The following TSPAN1 variants were observed in gnomAD, a reference collection of about 807,000 sequenced individuals.
The protein encoded by TSPAN1 is tetraspanin 1.
A neutral mutation model predicts 26.9 loss-of-function variants in TSPAN1; 23 were observed. The ratio of observed to expected loss-of-function variants is 0.85; its 90% CI spans 0.62 to 1.21. TSPAN1 has a LOEUF of 1.21. Ranked by LOEUF, TSPAN1 falls within the 50% of genes most tolerant of loss-of-function variation. The probability of loss-of-function intolerance (pLI) is 0.00; values close to 1 mark genes in which losing one functional copy is unlikely to be tolerated. For synonymous variants in TSPAN1, 115 were observed against 114.8 expected, an observed-to-expected ratio of 1.00 and a Z score of -0.01; for missense variants, 283 against 298.4, an observed-to-expected ratio of 0.95 and a Z score of 0.38.
intron 1 of TSPAN1, among the ~76,000 whole-genome samples, chr1:46,179,516 G>A (rs1164249927): frequency 1.3e-5 from 2 of 152,078 alleles, no homozygotes; most frequent in Non-Finnish European, 2.9e-5. Context: ...TCTAAGAAAA[G>A]TCCCCAGGGT....
At chr1:46,175,752 G>A (rs68179532) in intron 1 of TSPAN1, 40,924 of 403,108 alleles carry the variant, frequency 0.1, 2,596 homozygotes, top group Admixed American at 0.18. Flanking sequence ...CATTAAGGCT[G>A]TCAGCACTTT....
downstream of TSPAN1, among the ~76,000 whole-genome samples, chr1:46,187,139 C>A (rs139087250): frequency 5.9e-5 from 9 of 152,200 alleles, no homozygotes; most frequent in African/African-American, 2.2e-4. Flanking sequence ...CCCTAACTAT[C>A]CCTATGCTCC....
chr1:46,180,483 AG>A (rs1657289674), intron 1 of TSPAN1, 42 bp from the exon 2 acceptor site: 1 of 152,392 alleles, frequency 6.6e-6, no homozygotes, highest in Non-Finnish European at 1.5e-5. Flanking sequence ...TGGGGCCAGC[AG>A]GCGGGCAGAA....
chr1:46,195,644 A>C, the TSPAN1 span: 1 of 733,702 alleles, frequency 1.4e-6, no homozygotes, highest in South Asian at 1.5e-5. Flanking sequence ...GCTGTTGCTC[A>C]ATAACTATTT....
chr1:46,189,417 A>C (rs140486914), downstream of TSPAN1: 145 of 1,613,686 alleles, frequency 9.0e-5, no homozygotes, highest in African/African-American at 1.5e-3. Context: ...CCTGGATCTC[A>C]CTAGGCCTCC....
chr1:46,192,549 C>T, the TSPAN1 span: 1 of 1,614,204 alleles, frequency 6.2e-7, no homozygotes, highest in Non-Finnish European at 8.5e-7. Context: ...GCAGTACAGG[C>T]TGTCATCCTC....
At chr1:46,191,164 TTGACTC>T in the TSPAN1 span, 1 of 342,656 alleles carries the variant, frequency 2.9e-6, no homozygotes. Context: ...AAAAACTACT[TTGACTC>T]TGGTACTGAG....
chr1:46,184,525 G>C (rs902903648), intron 4 of TSPAN1, 69 bp from the exon 5 acceptor site: 11 of 1,605,264 alleles, frequency 6.9e-6, no homozygotes, highest in Admixed American at 1.7e-5. Context: ...TTTCCGGGGG[G>C]GGGATTAGGG....
chr1:46,192,267 G>GGTAGGGGACTC, the TSPAN1 span: 17 of 1,614,026 alleles, frequency 1.1e-5, no homozygotes, highest in Non-Finnish European at 1.2e-5. Context: ...GTTTCGAGTT[G>GGTAGGGGACTC]GTAGGGGACT....
At chr1:46,193,938 T>C in the TSPAN1 span, 8 of 1,613,872 alleles carry the variant, frequency 5.0e-6, no homozygotes, top group Non-Finnish European at 5.9e-6. Flanking sequence ...GTGGGAGAAA[T>C]AGCGTTTAGC....
At chr1:46,194,551 A>C in the TSPAN1 span, 2 of 1,613,492 alleles carry the variant, frequency 1.2e-6, no homozygotes, top group African/African-American at 1.3e-5. Context: ...CACTAACTCC[A>C]CCTTCTGCTG....
In TSPAN1 at chr1:46,185,801, T is replaced by A; in HGVS notation, c.*268T>A. ...TCTGTTGCCCATTCCCCCAGTCTATTAAACCCTTGATATGCCCCCTAGGCC... is the reference window on the plus strand; with the variant it reads ...TCTGTTGCCCATTCCCCCAGTCTATAAAACCCTTGATATGCCCCCTAGGCC... On this transcript the variant is annotated 3_prime_UTR_variant, in exon 9 of 9. Transcript: ENST00000372003. The A allele has an allele frequency of 1.8e-6, 1 of 562,104 alleles. No individual in the cohort carries two copies. The highest frequency in any genetic ancestry group is 3.2e-6 in the Non-Finnish European group (1 of 313,794). 34.8% of individuals were successfully genotyped at this position (562,104 alleles called of 1,614,324 possible).
intron 1 of TSPAN1, among the ~76,000 whole-genome samples, chr1:46,180,213 G>C (rs1657283365): frequency 6.6e-6 from 1 of 152,272 alleles, no homozygotes; most frequent in African/African-American, 2.4e-5. Context: ...GCATGTGCAT[G>C]TGAGCATGAG....
At chr1:46,187,846 T>G (rs1159039325), downstream of TSPAN1, among the ~76,000 whole-genome samples, 1 of 152,080 alleles carries the variant, frequency 6.6e-6, no homozygotes, top group Non-Finnish European at 1.5e-5. Flanking sequence ...TGTCACCGAG[T>G]TGGGCTCCAA....
At chr1:46,181,931 A>G (rs1657322868) in intron 3 of TSPAN1, among the ~76,000 whole-genome samples, 2 of 152,166 alleles carry the variant, frequency 1.3e-5, no homozygotes, top group Non-Finnish European at 2.9e-5. Flanking sequence ...TGCATAGGGC[A>G]TGTTTGAGAA....
At chr1:46,190,419 C>T, downstream of TSPAN1, 1 of 1,525,450 alleles carries the variant, frequency 6.6e-7, no homozygotes, top group Non-Finnish European at 9.1e-7. Context: ...GGGCCAAGAT[C>T]CCCAGTATTT....
chr1:46,176,154 C>A, intron 1 of TSPAN1: 1 of 1,502,052 alleles, frequency 6.7e-7, no homozygotes. Context: ...GGATTACAGG[C>A]ATGAGCCACC....
chr1:46,192,179 C>T, the TSPAN1 span: 17 of 1,614,070 alleles, frequency 1.1e-5, no homozygotes, highest in Non-Finnish European at 1.4e-5. Flanking sequence ...ACTCTCGGCC[C>T]CGGCGTTGTT....
chr1:46,193,788 C>G, the TSPAN1 span: 1 of 1,606,004 alleles, frequency 6.2e-7, no homozygotes, highest in Admixed American at 1.7e-5. Flanking sequence ...TCAAGAGTTC[C>G]TCCTGGAGGT....
Sources: gnomAD v4.1 joint callset for allele counts (sites outside exome capture counted in the v4.1 genomes callset) on GRCh38, gnomAD v4.1.1 for gene constraint, MANE v1.5 for transcripts, NCBI Gene and HGNC (gene_info 2026-07-23, HGNC 2026-07-21) for gene names.